The following MYO9A variants were observed in gnomAD, a reference collection of about 807,000 sequenced individuals.
MYO9A encodes the protein myosin IXA, also known as unconventional myosin-IXa.
MYO9A carries 103 observed loss-of-function variants against 293.3 expected under a neutral mutation model. That is an observed-to-expected ratio of 0.35 (90% confidence interval 0.30 to 0.41). MYO9A has a LOEUF of 0.41. Among genes scored for constraint, MYO9A ranks in the 10% least tolerant of loss-of-function variants. The probability of loss-of-function intolerance (pLI) is 1.00; values close to 1 mark genes in which losing one functional copy is unlikely to be tolerated. For synonymous variants in MYO9A, 1,001 were observed against 1,035.7 expected (o/e 0.97, Z 0.64); for missense variants, 2,685 against 3,033.0 (o/e 0.89, Z 2.69).
intron 1 of MYO9A, among the ~76,000 whole-genome samples, chr15:72,060,612 T>A (rs1462212643): frequency 6.6e-6 from 1 of 152,094 alleles, no homozygotes; most frequent in African/African-American, 2.4e-5. Flanking sequence ...CAGGGCAGAA[T>A]TCAGCCGGCA....
At chr15:71,893,825 C>G (rs1412349945) in intron 25 of MYO9A, 47 bp from the exon 26 acceptor site, 5 of 1,470,914 alleles carry the variant, frequency 3.4e-6, no homozygotes, top group African/African-American at 2.8e-5. Flanking sequence ...AGCAGATATC[C>G]CATGGCAGCC....
At chr15:71,981,641 GTCTCTCTCTC>G (rs142432028) in intron 11 of MYO9A, among the ~76,000 whole-genome samples, 17 of 144,396 alleles carry the variant, frequency 1.2e-4, no homozygotes, top group South Asian at 2.2e-4. Context: ...TCTCTGTCTT[GTCTCTCTCTC>G]TCTCTCTCTC....
chr15:71,964,304 C>A (rs1314491406), intron 13 of MYO9A, among the ~76,000 whole-genome samples: 1 of 151,994 alleles, frequency 6.6e-6, no homozygotes, highest in African/African-American at 2.4e-5. Context: ...TTCTCTAATT[C>A]CTTTGAGTGT....
intron 14 of MYO9A, among the ~76,000 whole-genome samples, chr15:71,955,159 C>T (rs2059149502): frequency 1.3e-5 from 2 of 149,564 alleles, no homozygotes; most frequent in African/African-American, 4.9e-5. Flanking sequence ...TGGAGTTTCG[C>T]TCTTGTTGCC....
At chr15:71,874,365 C>G (rs555966190) in intron 32 of MYO9A, among the ~76,000 whole-genome samples, 1 of 151,950 alleles carries the variant, frequency 6.6e-6, no homozygotes, top group African/African-American at 2.4e-5. Flanking sequence ...AAAGTAAAGA[C>G]GATAGGAGGA....
chr15:71,831,405 GAA>G (rs2054721256), intron 39 of MYO9A, among the ~76,000 whole-genome samples: 1 of 152,210 alleles, frequency 6.6e-6, no homozygotes. Context: ...GTCCTTTACA[GAA>G]AAAGTCTGCC....
intron 4 of MYO9A, among the ~76,000 whole-genome samples, 153 bp downstream of exon 4, chr15:72,027,578 T>C (rs1278240658): frequency 2.0e-5 from 3 of 152,194 alleles, no homozygotes; most frequent in Non-Finnish European, 2.9e-5. Flanking sequence ...TCTGAAAAAC[T>C]GCAAAGTTCT....
At chr15:72,067,593 T>C (rs1379484392) in intron 1 of MYO9A, among the ~76,000 whole-genome samples, 1 of 152,180 alleles carries the variant, frequency 6.6e-6, no homozygotes, top group Non-Finnish European at 1.5e-5. Context: ...CAATATTTAT[T>C]TTTAAAATAT....
intron 9 of MYO9A, 140 bp downstream of exon 9, chr15:71,999,711 A>C: frequency 1.8e-6 from 1 of 554,872 alleles, no homozygotes; most frequent in Non-Finnish European, 3.1e-6. Context: ...ATTCACAATC[A>C]AATGTAAAGG....
intron 25 of MYO9A, among the ~76,000 whole-genome samples, chr15:71,893,979 T>A (rs1047754002): frequency 6.6e-6 from 1 of 152,214 alleles, no homozygotes; most frequent in Admixed American, 6.5e-5. Flanking sequence ...AAAGGCCTTG[T>A]CCTGATGATC....
chr15:71,860,969 CAAAAAA>C (rs61030744), intron 33 of MYO9A, among the ~76,000 whole-genome samples: 22 of 32,422 alleles, frequency 6.8e-4, no homozygotes, highest in East Asian at 3.0e-3. Flanking sequence ...TCCATCTCAC[CAAAAAA>C]AAAAAAAAAA....
At chr15:71,946,881 A>C (rs1227498173) in intron 15 of MYO9A, among the ~76,000 whole-genome samples, 1 of 152,224 alleles carries the variant, frequency 6.6e-6, no homozygotes, top group African/African-American at 2.4e-5. Flanking sequence ...TGGGAGGCCA[A>C]AGCAGGAGGA....
chr15:72,098,582 C>T (rs1330557777), intron 1 of MYO9A, among the ~76,000 whole-genome samples: 1 of 151,842 alleles, frequency 6.6e-6, no homozygotes, highest in African/African-American at 2.4e-5. Flanking sequence ...ATGTATAACC[C>T]TAAATAAGTA....
chr15:71,955,308 T>A (rs1261023489), intron 14 of MYO9A, among the ~76,000 whole-genome samples: 1 of 152,148 alleles, frequency 6.6e-6, no homozygotes. Flanking sequence ...TTTGTATTTT[T>A]AGTAGAGACA....
At chr15:72,004,683 C>G (rs370445634) in intron 8 of MYO9A, among the ~76,000 whole-genome samples, 31 of 152,240 alleles carry the variant, frequency 2.0e-4, no homozygotes, top group African/African-American at 7.0e-4. Context: ...TAATATCTCA[C>G]AACAAAAACA....
chr15:71,861,844 G>A (rs1160363815), intron 33 of MYO9A, among the ~76,000 whole-genome samples: 1 of 152,076 alleles, frequency 6.6e-6, no homozygotes, highest in Non-Finnish European at 1.5e-5. Context: ...GAATTTCGGA[G>A]GCTGGAGGGG....
In MYO9A at chr15:71,898,704, C is replaced by A. The variant is rs1346044966; in HGVS notation, c.3799G>T (p.Val1267Leu). Residue 1267 changes from valine (V) to leucine (L), a missense_variant, in exon 25 of 42, where the codon GTA becomes TTA. Val to Leu is a conservative substitution (Grantham distance 32). Coordinates refer to ENST00000356056, the MANE Select transcript of MYO9A (RefSeq NM_006901.4). ...RSLEDLHQKK[V>L]GRAKRESRRM... ...CTACTTTCTCTCTTAGCCCGGCCTA[C>A]TTTTTTCTGATGGAGATCCTCCAAG... is the stretch of plus-strand genomic sequence containing the variant. The A allele has an allele frequency of 6.2e-7, 1 of 1,614,054 alleles. No individual in the cohort carries two copies. Among genetic ancestry groups the A allele is most frequent in the South Asian group, 1.1e-5 (1 of 91,070 alleles).
intron 1 of MYO9A, among the ~76,000 whole-genome samples, chr15:72,069,896 C>A (rs1336302384): frequency 6.7e-6 from 1 of 149,592 alleles, no homozygotes; most frequent in Non-Finnish European, 1.5e-5. Flanking sequence ...GGTGGGTGGA[C>A]TGCCTGAACT....
rs550003468 is a variant in MYO9A at position 71,910,090 on chromosome 15, A to G, written c.2686-5084T>C. On this transcript the variant is annotated intron_variant, in intron 19 of 41. Coordinates refer to ENST00000356056, the MANE Select transcript of MYO9A (RefSeq NM_006901.4). ...GCCCCAATTTTATATATATACACGTATATATATATACGTATATATATACGT... is the reference window on the plus strand; with the variant it reads ...GCCCCAATTTTATATATATACACGTGTATATATATACGTATATATATACGT... Among the ~76,000 whole-genome samples, 749 of 146,600 alleles carry G rather than the reference A, an allele frequency of 5.1e-3. 8 individuals are homozygous for G. The highest frequency in any genetic ancestry group is 0.034 in the South Asian group (161 of 4,710).
Sources: gnomAD v4.1 joint callset for allele counts (sites outside exome capture counted in the v4.1 genomes callset) on GRCh38, gnomAD v4.1.1 for gene constraint, MANE v1.5 for transcripts, NCBI Gene and HGNC (gene_info 2026-07-23, HGNC 2026-07-21) for gene names.